AASDH: variants seen among roughly 807,000 people sequenced by gnomAD.
The protein encoded by AASDH is beta-alanine-activating enzyme.
Under a neutral mutation model 102.3 loss-of-function variants are expected in AASDH, and 81 were observed. That is an observed-to-expected ratio of 0.79 (90% CI 0.66 to 0.95). The LOEUF is 0.95. AASDH is among the 40% of genes least tolerant of loss of function. The pLI, the probability that AASDH is intolerant of heterozygous loss-of-function variation, is 0.00. For missense variants in AASDH, 1,203 were observed against 1,266.2 expected (o/e 0.95, Z 0.76); for synonymous variants, 398 against 454.0 (o/e 0.88, Z 1.57).
chr4:56,363,228 G>C (rs951423396), intron 5 of AASDH, among the ~76,000 whole-genome samples: 1 of 152,226 alleles, frequency 6.6e-6, no homozygotes, highest in African/African-American at 2.4e-5. Flanking sequence ...CAGCCAGGAA[G>C]CTCAAACTGG....
At chr4:56,339,927 G>C (rs1747454314) in intron 14 of AASDH, among the ~76,000 whole-genome samples, 1 of 151,928 alleles carries the variant, frequency 6.6e-6, no homozygotes, top group African/African-American at 2.4e-5. Context: ...CCAACACTTT[G>C]GGAGGCCAAG....
At chr4:56,356,387 G>C (rs957487849) in intron 5 of AASDH, 1 of 1,591,806 alleles carries the variant, frequency 6.3e-7, no homozygotes, top group Admixed American at 1.7e-5. Context: ...AGTTCACCCA[G>C]GCCCTGGACC....
intron 4 of AASDH, among the ~76,000 whole-genome samples, chr4:56,376,019 C>T (rs375802590): frequency 9.4e-6 from 1 of 106,742 alleles, no homozygotes; most frequent in Non-Finnish European, 1.8e-5. Flanking sequence ...AACCGCTCAT[C>T]TTTTTTTTTT....
chr4:56,365,932 C>G lies in AASDH; in HGVS notation c.861+5519G>C, dbSNP rs924370396. Among the ~76,000 whole-genome samples the G allele has an allele frequency of 5.9e-5, 9 of 152,164 alleles. No homozygotes were observed. In the East Asian group the frequency reaches 1.5e-3, roughly 26 times the overall value. On this transcript the variant is annotated intron_variant, in intron 5 of 14. Coordinates refer to ENST00000205214, the MANE Select transcript of AASDH (RefSeq NM_181806.4). ...TTCAAAAAATCAATGAATCCAGGAG[C>G]TGGTTTTTTGAAAAGATCAACAAAA... is the stretch of plus-strand genomic sequence containing the variant.
chr4:56,365,189 C>A (rs1317381817), intron 5 of AASDH, among the ~76,000 whole-genome samples: 2 of 152,130 alleles, frequency 1.3e-5, no homozygotes, highest in Non-Finnish European at 1.5e-5. Flanking sequence ...TATATATGCA[C>A]CCAATACAGG....
intron 5 of AASDH, among the ~76,000 whole-genome samples, chr4:56,366,113 A>G (rs1478963804): frequency 1.3e-5 from 2 of 152,228 alleles, no homozygotes; most frequent in African/African-American, 4.8e-5. Context: ...TAAACTAGAA[A>G]ATCTGGAAGA....
At chr4:56,356,797 A>G (rs1749691783) in intron 5 of AASDH, 1 of 747,878 alleles carries the variant, frequency 1.3e-6, no homozygotes, top group Non-Finnish European at 2.4e-6. Context: ...GGAAGCTATT[A>G]GGACCAATTA....
intron 1 of AASDH, 52 bp from the exon 2 acceptor site, chr4:56,384,393 G>T: frequency 4.2e-6 from 4 of 943,174 alleles, no homozygotes; most frequent in Non-Finnish European, 6.5e-6. Flanking sequence ...AGAGCTCGGT[G>T]GAGGGACAGG....
Position 56,382,464 on chromosome 4 carries a change from C to T in AASDH, c.351+13G>A, listed in dbSNP as rs745438584. On this transcript the variant is annotated intron_variant, in intron 3 of 14. Transcript: ENST00000205214. ...TAATACAGGCAAAAAACAATTGAAACATCCAGACTTACATTAATTTGTTTT... is the reference window on the plus strand; with the variant it reads ...TAATACAGGCAAAAAACAATTGAAATATCCAGACTTACATTAATTTGTTTT... 33 of 1,533,058 alleles carry T rather than the reference C, an allele frequency of 2.2e-5. No homozygotes were observed. The highest frequency in any genetic ancestry group is 2.8e-5 in the Non-Finnish European group (31 of 1,119,224). 95.0% of individuals were successfully genotyped at this position (1,533,058 alleles called of 1,614,324 possible).
intron 3 of AASDH, chr4:56,382,194 G>A (rs189675357): frequency 6.3e-5 from 19 of 303,594 alleles, no homozygotes; most frequent in South Asian, 2.5e-4. Flanking sequence ...GGGGTGGAGA[G>A]CCCCTCTGGG....
chr4:56,350,183 A>G (rs911831158), intron 10 of AASDH, 125 bp from the exon 11 acceptor site: 4 of 915,992 alleles, frequency 4.4e-6, no homozygotes, highest in Non-Finnish European at 6.3e-6. Context: ...GGTCGGGTAC[A>G]GTGGCTCACG....
At chr4:56,355,593 G>GTTTTTTTTTTTTTTTTTTTTTGT (rs1749530077) in intron 5 of AASDH, among the ~76,000 whole-genome samples, 170 bp from the exon 6 acceptor site, 1 of 91,916 alleles carries the variant, frequency 1.1e-5, no homozygotes, top group Admixed American at 1.4e-4. Context: ...TTATCTTCTT[G>GTTTTTTTTTTTTTTTTTTTTTGT]TTTTTTTTTT....
intron 1 of AASDH, among the ~76,000 whole-genome samples, chr4:56,386,554 G>A (rs988068788): frequency 2.6e-5 from 4 of 151,970 alleles, no homozygotes; most frequent in South Asian, 2.1e-4. Context: ...AGCACTTTGG[G>A]AGGCCGAGGC....
intron 5 of AASDH, among the ~76,000 whole-genome samples, chr4:56,366,457 T>C (rs1751026373): frequency 6.6e-6 from 1 of 152,130 alleles, no homozygotes; most frequent in Admixed American, 6.6e-5. Context: ...TGAACATTGA[T>C]GCAAAAATCC....
chr4:56,343,540 A>C, intron 13 of AASDH, 22 bp downstream of exon 13: 2 of 1,543,928 alleles, frequency 1.3e-6, no homozygotes, highest in Non-Finnish European at 1.7e-6. Flanking sequence ...AATAAAATCA[A>C]TATGTATTAT....
rs750053873 is a variant in AASDH at position 56,354,018 on chromosome 4, T to A, written c.1383+21A>T. ...ACTACTTACATATATTAATAGATAT[T>A]CAATATTTAAATAGTTCTACCTGTT... On this transcript the variant is annotated intron_variant, in intron 8 of 14. Transcript: ENST00000205214. 20 of 1,583,434 alleles carry A rather than the reference T, an allele frequency of 1.3e-5. No individual in the cohort carries two copies. The Admixed American group carries it at 3.6e-4, about 28-fold the overall frequency.
chr4:56,345,572 T>A (rs1353034091), intron 11 of AASDH, among the ~76,000 whole-genome samples: 1 of 152,222 alleles, frequency 6.6e-6, no homozygotes, highest in East Asian at 1.9e-4. Flanking sequence ...AATAATAAAG[T>A]ACACTGTGGT....
At chr4:56,385,241 A>G (rs1259591938) in intron 1 of AASDH, among the ~76,000 whole-genome samples, 1 of 152,232 alleles carries the variant, frequency 6.6e-6, no homozygotes, top group African/African-American at 2.4e-5. Flanking sequence ...AACTATATAT[A>G]AAAACAGTGT....
intron 12 of AASDH, among the ~76,000 whole-genome samples, chr4:56,344,425 C>T (rs142183612): frequency 2.0e-5 from 3 of 151,956 alleles, no homozygotes; most frequent in East Asian, 3.9e-4. Flanking sequence ...ATTTACTAGC[C>T]GTCTCTTCTT....
Sources: allele counts gnomAD v4.1 joint callset (sites outside exome capture counted in the v4.1 genomes callset), GRCh38; gene constraint gnomAD v4.1.1; transcripts MANE v1.5; gene names NCBI Gene and HGNC (gene_info 2026-07-23, HGNC 2026-07-21).